The following MROH1 variants were observed in gnomAD, a reference collection of about 807,000 sequenced individuals.
MROH1 encodes the protein maestro heat like repeat family member 1.
A neutral mutation model predicts 116.5 loss-of-function variants in MROH1; 117 were observed. The observed-to-expected ratio is 1.00, with a 90% CI of 0.86 to 1.17. The LOEUF (loss-of-function observed/expected upper bound fraction) is 1.17, where lower values mean the gene tolerates loss of function less well. MROH1 is among the 50% of genes most tolerant of loss of function. MROH1 has a pLI of 0.00. For synonymous variants in MROH1, 921 were observed against 583.9 expected (o/e 1.58, Z -8.32); for missense variants, 1,873 against 1,338.5 (o/e 1.40, Z -6.23).
intron 10 of MROH1, among the ~76,000 whole-genome samples, chr8:144,198,014 A>T (rs543221597): frequency 6.8e-6 from 1 of 147,458 alleles, no homozygotes; most frequent in Admixed American, 6.9e-5. Context: ...ACGCCATTGC[A>T]CTCCAGCCTG....
rs1587948765 is a variant in MROH1, at chr8:144,180,893, ACATT to A, written c.562+377_562+380del. Among the ~76,000 whole-genome samples, 1 of 151,904 alleles carries A rather than the reference ACATT, an allele frequency of 6.6e-6. No individual in the cohort carries two copies. The highest frequency in any genetic ancestry group is 2.1e-4 in the South Asian group (1 of 4,816). ...ATCCCAGGACCCAGGGGATGGGGGC[ACATT>A]CATTCACCCCCACCCTCTGCCAGGA... On this transcript the variant is annotated intron_variant, in intron 7 of 43. Coordinates refer to ENST00000326134, the MANE Select transcript of MROH1 (RefSeq NM_032450.3). The surrounding 1 kb of genome is among the most constrained non-coding windows in gnomAD (Gnocchi z 7.4).
chr8:144,196,787 A>C (rs556341961), intron 10 of MROH1, among the ~76,000 whole-genome samples: 93 of 152,162 alleles, frequency 6.1e-4, no homozygotes, highest in African/African-American at 2.0e-3. Context: ...ATTACCACAA[A>C]ACTTACCACC....
In MROH1 at chr8:144,180,558, G is replaced by GC; in HGVS notation, c.562+39dup. The GC allele has an allele frequency of 6.3e-7, 1 of 1,591,808 alleles. No homozygotes were observed. Among genetic ancestry groups the GC allele is most frequent in the Non-Finnish European group, 8.6e-7 (1 of 1,169,190 alleles). ...GGCCTCGTCACCTTCTGTCTCAAGT[G>GC]CCCCTTTGTGGGGGGCTGTTCCCGG... On this transcript the variant is annotated intron_variant, in intron 7 of 43. Coordinates refer to ENST00000326134, the MANE Select transcript of MROH1 (RefSeq NM_032450.3). The surrounding 1 kb of genome is among the most constrained non-coding windows in gnomAD (Gnocchi z 7.4).
Position 144,192,327 on chromosome 8 carries a change from G to C in MROH1, c.874G>C (p.Glu292Gln). 1 of 1,597,080 alleles carries C rather than the reference G, an allele frequency of 6.3e-7. No individual in the cohort carries two copies. Among genetic ancestry groups the C allele is most frequent in the Non-Finnish European group, 8.5e-7 (1 of 1,174,552 alleles). The stretch of plus-strand genomic sequence containing the variant: ...GGAGCAGAGCCTGGGCCAGATCCTC[G>C]AGGCAGCTGTGAGTGTGGGCAGCCG... The part of the protein sequence containing the change: ...YLSKSLGQIL[E>Q]AAVSVGSRTL... The change falls in exon 10 of 44, where the codon GAG (glutamate) becomes CAG (glutamine). Residue 292 changes from glutamate to glutamine, a missense_variant. Coordinates refer to ENST00000326134, the MANE Select transcript of MROH1 (RefSeq NM_032450.3).
intron 4 of MROH1, among the ~76,000 whole-genome samples, chr8:144,169,791 C>T (rs1397830867): frequency 1.4e-5 from 2 of 141,550 alleles, no homozygotes; most frequent in African/African-American, 5.3e-5. Flanking sequence ...TACAGGTGTG[C>T]ACCACCACAC....
Position 144,244,153 on chromosome 8 carries a change from C to T in MROH1, c.2556-69C>T, listed in dbSNP as rs922503283. 7.1e-6 allele frequency: 5 copies of T among 708,940 alleles called. No individual in the cohort carries two copies. In the African/African-American group the frequency reaches 8.7e-5, roughly 12 times the overall value. The allele number at this position is 708,940 out of a possible 1,614,324, so 43.9% of individuals were successfully genotyped here. A position where few individuals can be genotyped will look rare whatever the true frequency, so the allele number is the denominator to read the frequency against. On this transcript the variant is annotated intron_variant, in intron 26 of 43. Coordinates refer to ENST00000326134, the MANE Select transcript of MROH1 (RefSeq NM_032450.3). ...CAGTGGCTGTGCTGCCCACACAGGC[C>T]TGGAGGTTACTGGGTGTCTGAGTTT...
At position 144,242,950 on chromosome 8, in the gene MROH1, G is replaced by A. The variant is rs1050616821; in HGVS notation, c.2352+322G>A. Among the ~76,000 whole-genome samples the A allele has an allele frequency of 1.1e-4, 17 of 152,330 alleles. No homozygotes were observed. The East Asian group carries it at 3.3e-3, about 29-fold the overall frequency. ...GGCTCTGCTCCCCAGTGCTCATGGG[G>A]GCTGTACCTCCCCGGACCCCAGTGA... On this transcript the variant is annotated intron_variant, in intron 24 of 43. Transcript: ENST00000326134.
At chr8:144,250,703 G>A in intron 33 of MROH1, 1 of 428,306 alleles carries the variant, frequency 2.3e-6, no homozygotes, top group Non-Finnish European at 4.4e-6. Flanking sequence ...ACTGGAGGCT[G>A]CCCCTCACCC....
intron 4 of MROH1, among the ~76,000 whole-genome samples, chr8:144,171,349 T>A (rs1587856864): frequency 6.6e-6 from 1 of 152,112 alleles, no homozygotes; most frequent in African/African-American, 2.4e-5. Flanking sequence ...AGGGTGCGGG[T>A]GCCCAGCAGG....
intron 14 of MROH1, among the ~76,000 whole-genome samples, chr8:144,234,388 C>T (rs974624606): frequency 2.7e-5 from 4 of 149,188 alleles, no homozygotes; most frequent in Non-Finnish European, 4.4e-5. Flanking sequence ...TTTATTTTAA[C>T]ATTTTGTAGT....
Position 144,161,042 on chromosome 8 carries a change from C to T in MROH1, c.-104C>T, listed in dbSNP as rs954101496. 1 of 152,782 alleles carries T rather than the reference C, an allele frequency of 6.5e-6. No homozygotes were observed. The highest frequency in any genetic ancestry group is 1.5e-5 in the Non-Finnish European group (1 of 68,156). The allele number at this position is 152,782 out of a possible 1,614,324, so 9.5% of individuals were successfully genotyped here. On this transcript the variant is annotated 5_prime_UTR_variant, in exon 2 of 44. Transcript: ENST00000326134. ...CAGCTTCTCCAGGCCACCTGCATTC[C>T]TTGTCTCAGAGCCTCCCTCCTGCAT...
At chr8:144,203,911 T>C (rs1464538860) in intron 12 of MROH1, among the ~76,000 whole-genome samples, 2 of 152,194 alleles carry the variant, frequency 1.3e-5, no homozygotes, top group African/African-American at 4.8e-5. Context: ...AATTCATCAA[T>C]CACATTTATG....
chr8:144,204,491 T>A (rs1832406827), intron 12 of MROH1, among the ~76,000 whole-genome samples: 1 of 152,220 alleles, frequency 6.6e-6, no homozygotes, highest in Non-Finnish European at 1.5e-5. Flanking sequence ...TTCAGCTTCA[T>A]GAATAATCAC....
intron 14 of MROH1, among the ~76,000 whole-genome samples, chr8:144,224,440 AT>A (rs1277737197): frequency 4.0e-5 from 6 of 151,556 alleles, no homozygotes; most frequent in African/African-American, 1.2e-4. Context: ...CTAATTTTTT[AT>A]TTTTTGTAGA....
At chr8:144,227,854 G>C (rs2132538527) in intron 14 of MROH1, among the ~76,000 whole-genome samples, 1 of 152,286 alleles carries the variant, frequency 6.6e-6, no homozygotes. Flanking sequence ...TCGAGAGGCT[G>C]AGGTGGGAGG....
rs1329470181 is a variant in MROH1 at position 144,260,368 on chromosome 8, C to A, written c.4374C>A (p.Phe1458Leu). The change falls in exon 39 of 44, where the codon TTC becomes TTA. Residue 1458 changes from phenylalanine to leucine, a missense_variant. By Grantham distance (22) the Phe-to-Leu change is conservative (BLOSUM62 0). Transcript: ENST00000326134. Reference protein sequence around the residue: ...LHVAIRIRPFFDSEKMEFRTA... With the variant: ...LHVAIRIRPFLDSEKMEFRTA... ...TGGCCATCCGCATCCGGCCTTTCTT[C>A]GACAGTGTAGGCTGGTTGGGGCAGG... 2.8e-6 allele frequency: 2 copies of A among 719,358 alleles called. No individual in the cohort carries two copies. Among genetic ancestry groups the A allele is most frequent in the Non-Finnish European group, 5.1e-6 (2 of 393,108 alleles). The allele number at this position is 719,358 out of a possible 1,614,324, so 44.6% of individuals were successfully genotyped here. A position where few individuals can be genotyped will look rare whatever the true frequency, so the allele number is the denominator to read the frequency against.
At position 144,241,452 on chromosome 8, in the gene MROH1, C is replaced by T. The variant is rs1840965700; in HGVS notation, c.2113C>T (p.Gln705Ter). Residue 705 changes from glutamine (Q) to a stop codon, truncating the protein, a stop_gained, in exon 22 of 44, where the codon CAG becomes TAG. Coordinates refer to ENST00000326134, the MANE Select transcript of MROH1 (RefSeq NM_032450.3). LOFTEE classifies it high-confidence loss of function. ...AISHLEDTLA[Q>*]LEDFVRSEVF... ...CTCCCACCTCGAGGACACGCTGGCC[C>T]AGCTGGAGGACTTCGTGAGGTCAGA... is the stretch of plus-strand genomic sequence containing the variant. The T allele has an allele frequency of 1.3e-6, 1 of 778,566 alleles. No individual in the cohort carries two copies. The highest frequency in any genetic ancestry group is 1.7e-5 in the African/African-American group (1 of 59,056). 48.2% of individuals were successfully genotyped at this position (778,566 alleles called of 1,614,324 possible). A position where few individuals can be genotyped will look rare whatever the true frequency, so the allele number is the denominator to read the frequency against.
chr8:144,186,221 A>C (rs776759265), intron 7 of MROH1, among the ~76,000 whole-genome samples: 1 of 150,724 alleles, frequency 6.6e-6, no homozygotes, highest in Non-Finnish European at 1.5e-5. Context: ...TCCCAGGCTG[A>C]AGTGATCCTC....
In MROH1 at chr8:144,245,248, C is replaced by A; in HGVS notation, c.2859C>A (p.His953Gln). Reference protein sequence around the residue: ...SALLLRYFLEHLRVSALVPFH... With the variant: ...SALLLRYFLEQLRVSALVPFH... ...TCCTGCTGCGCTACTTCCTGGAGCA[C>A]CTGCGTGTCAGCGTGAGTACCTGGG... Residue 953 changes from histidine (H) to glutamine (Q), a missense_variant, in exon 29 of 44, where the codon CAC (histidine) becomes CAA (glutamine). His to Gln is a conservative substitution (Grantham distance 24). Transcript: ENST00000326134. 2.6e-6 allele frequency: 2 copies of A among 778,282 alleles called. No homozygotes were observed. Among genetic ancestry groups the A allele is most frequent in the South Asian group, 2.7e-5 (2 of 74,562 alleles). 48.2% of individuals were successfully genotyped at this position (778,282 alleles called of 1,614,324 possible). A position where few individuals can be genotyped will look rare whatever the true frequency, so the allele number is the denominator to read the frequency against.
Sources: allele counts gnomAD v4.1 joint callset (sites outside exome capture counted in the v4.1 genomes callset), GRCh38; gene constraint gnomAD v4.1.1; non-coding constraint Gnocchi (gnomAD v3.1); transcripts MANE v1.5; gene names NCBI Gene and HGNC (gene_info 2026-07-23, HGNC 2026-07-21).